Variants in SMPD3 observed in about 807,000 individuals in gnomAD.
SMPD3 encodes the protein sphingomyelin phosphodiesterase 3.
SMPD3 carries 21 observed loss-of-function variants against 55.7 expected under a neutral mutation model. That is an observed-to-expected ratio of 0.38 (90% confidence interval 0.27 to 0.54). SMPD3 has a LOEUF of 0.54. SMPD3 is among the 20% of genes least tolerant of loss of function. The probability of loss-of-function intolerance (pLI) is 0.80; values close to 1 mark genes in which losing one functional copy is unlikely to be tolerated. For missense variants in SMPD3, 842 were observed against 899.6 expected, an observed-to-expected ratio of 0.94 and a Z score of 0.82; for synonymous variants, 457 against 404.3, an observed-to-expected ratio of 1.13 and a Z score of -1.56.
intron 1 of SMPD3, among the ~76,000 whole-genome samples, chr16:68,416,801 G>A (rs1199400126): frequency 6.6e-6 from 1 of 152,120 alleles, no homozygotes; most frequent in Non-Finnish European, 1.5e-5. Flanking sequence ...AGGTGTGTCA[G>A]AGCATAGGCC....
At chr16:68,441,450 A>T (rs1347995933) in intron 1 of SMPD3, among the ~76,000 whole-genome samples, 1 of 152,234 alleles carries the variant, frequency 6.6e-6, no homozygotes, top group African/African-American at 2.4e-5. Context: ...CACATATACA[A>T]TATAAATTTT....
chr16:68,433,887 C>A (rs1415908609), intron 1 of SMPD3, among the ~76,000 whole-genome samples: 4 of 147,910 alleles, frequency 2.7e-5, no homozygotes, highest in Non-Finnish European at 6.0e-5. Context: ...TTTTTTAGGT[C>A]ATGGAATATT....
chr16:68,375,943 G>A (rs767326675), intron 2 of SMPD3, among the ~76,000 whole-genome samples: 1 of 151,994 alleles, frequency 6.6e-6, no homozygotes, highest in Non-Finnish European at 1.5e-5. Flanking sequence ...ATAGCCCCTC[G>A]CCAGCTTCCC....
intron 1 of SMPD3, among the ~76,000 whole-genome samples, chr16:68,436,808 G>C (rs1390343200): frequency 5.9e-5 from 9 of 152,108 alleles, no homozygotes; most frequent in Non-Finnish European, 1.3e-4. Context: ...GCAGGCAAAG[G>C]GTCTCAAGAG....
intron 1 of SMPD3, among the ~76,000 whole-genome samples, chr16:68,438,325 A>C (rs1029587883): frequency 2.0e-5 from 3 of 152,150 alleles, no homozygotes; most frequent in Admixed American, 6.5e-5. Context: ...GTGAAGACCA[A>C]ATGAGAGAAA....
chr16:68,418,161 T>C (rs1165912840), intron 1 of SMPD3, among the ~76,000 whole-genome samples: 1 of 152,020 alleles, frequency 6.6e-6, no homozygotes, highest in African/African-American at 2.4e-5. Flanking sequence ...GCTTGTTGGG[T>C]TTCACTTTCT....
chr16:68,429,999 C>T (rs2090466943), intron 1 of SMPD3, among the ~76,000 whole-genome samples: 1 of 152,190 alleles, frequency 6.6e-6, no homozygotes. Flanking sequence ...TGAGGAGTCC[C>T]CTCTGGAGCA....
rs539908691 is a variant in SMPD3 at position 68,424,005 on chromosome 16, C to T, written c.-269+24348G>A. ...ACATGGCCCAAGGTGACCAAGGGCTCGGCCTGGGGACGTCACCTGCCCAGT... is the reference window on the plus strand; with the variant it reads ...ACATGGCCCAAGGTGACCAAGGGCTTGGCCTGGGGACGTCACCTGCCCAGT... On this transcript the variant is annotated intron_variant, in intron 1 of 8. Coordinates refer to ENST00000219334, the MANE Select transcript of SMPD3 (RefSeq NM_018667.4). Among the ~76,000 whole-genome samples the T allele has an allele frequency of 5.3e-5, 8 of 151,832 alleles. No individual in the cohort carries two copies. The South Asian group carries it at 1.2e-3, about 24-fold the overall frequency.
Position 68,404,073 on chromosome 16 carries a change from T to A in SMPD3, c.-268-17414A>T, listed in dbSNP as rs1277299678. ...TTTGACAGGGTCTCATTCTGTGCAGTGGTGCCATCATGGCTCACTGCAGCC... is the reference window on the plus strand; with the variant it reads ...TTTGACAGGGTCTCATTCTGTGCAGAGGTGCCATCATGGCTCACTGCAGCC... On this transcript the variant is annotated intron_variant, in intron 1 of 8. Transcript: ENST00000219334. The surrounding 1 kb of genome is among the most constrained non-coding windows in gnomAD (Gnocchi z 4.0). 2.0e-5 allele frequency among the ~76,000 whole-genome samples: 3 copies of A among 152,064 alleles called. No homozygotes were observed. Among genetic ancestry groups the A allele is most frequent in the African/African-American group, 7.2e-5 (3 of 41,388 alleles).
intron 1 of SMPD3, among the ~76,000 whole-genome samples, chr16:68,426,829 G>A (rs1174615286): frequency 6.6e-6 from 1 of 151,970 alleles, no homozygotes; most frequent in African/African-American, 2.4e-5. Flanking sequence ...CCTCATTTGT[G>A]GAGTGCTTCT....
rs373058383 is a variant in SMPD3, at chr16:68,402,629, A to AGCCCCGATGACCAACAGCG, written c.-268-15989_-268-15971dup. On this transcript the variant is annotated intron_variant, in intron 1 of 8. Coordinates refer to ENST00000219334, the MANE Select transcript of SMPD3 (RefSeq NM_018667.4). Reference sequence around the variant, plus strand: ...TGTTCAGCACTCCTTCCTGACTGCCAGCCCCGATGACCAACAGCGACCCCA... The same window carrying AGCCCCGATGACCAACAGCG: ...TGTTCAGCACTCCTTCCTGACTGCCAGCCCCGATGACCAACAGCGGCCCCGATGACCAACAGCGACCCCA... 7.0e-3 allele frequency among the ~76,000 whole-genome samples: 1,067 copies of AGCCCCGATGACCAACAGCG among 152,212 alleles called. 13 individuals are homozygous for AGCCCCGATGACCAACAGCG. Among genetic ancestry groups the AGCCCCGATGACCAACAGCG allele is most frequent in the African/African-American group, 0.024 (1,006 of 41,508 alleles).
chr16:68,397,725 A>G (rs762801597), intron 1 of SMPD3, among the ~76,000 whole-genome samples: 1 of 151,736 alleles, frequency 6.6e-6, no homozygotes, highest in Non-Finnish European at 1.5e-5. Context: ...CTGGAATTCC[A>G]CGCCTTGCTT....
At chr16:68,417,681 G>A (rs1296162422) in intron 1 of SMPD3, among the ~76,000 whole-genome samples, 1 of 152,138 alleles carries the variant, frequency 6.6e-6, no homozygotes, top group Non-Finnish European at 1.5e-5. Flanking sequence ...AGACCTACAC[G>A]CTACTAGACA....
intron 1 of SMPD3, among the ~76,000 whole-genome samples, chr16:68,402,251 C>T (rs11649335): frequency 0.19 from 28,170 of 152,134 alleles, 2,799 homozygotes; most frequent in Non-Finnish European, 0.21. Flanking sequence ...CTGCAGGCCT[C>T]CATTTCTCTC....
intron 1 of SMPD3, among the ~76,000 whole-genome samples, chr16:68,436,869 T>C (rs753449919): frequency 1.3e-5 from 2 of 152,170 alleles, no homozygotes; most frequent in Non-Finnish European, 1.5e-5. Flanking sequence ...ACCGACTGTA[T>C]ACGAGCTTCT....
chr16:68,407,427 T>A (rs190478751), intron 1 of SMPD3, among the ~76,000 whole-genome samples: 11 of 152,372 alleles, frequency 7.2e-5, no homozygotes, highest in African/African-American at 2.6e-4. Context: ...TAATTTAAAA[T>A]TCCTGATTGG....
At chr16:68,444,006 T>C (rs1006935807) in intron 1 of SMPD3, among the ~76,000 whole-genome samples, 1 of 152,188 alleles carries the variant, frequency 6.6e-6, no homozygotes, top group Admixed American at 6.5e-5. Context: ...AATACATTCT[T>C]ACATGTGAAG....
chr16:68,387,512 CT>C (rs1052730427), intron 1 of SMPD3, among the ~76,000 whole-genome samples: 2 of 152,218 alleles, frequency 1.3e-5, no homozygotes, highest in African/African-American at 4.8e-5. Flanking sequence ...GGCCCCGCCC[CT>C]GATCCCTGGC....
chr16:68,371,663 G>C lies in SMPD3; in HGVS notation c.519C>G (p.Ser173=), dbSNP rs773171822. ...ARPQIKIYID[S]PTNTSISAAS... is the part of the protein sequence containing the mutation. ...CGGCGCTGATGGAGGTATTGGTGGGGGAGTCGATGTAAATTTTGATCTGGG... is the reference window on the plus strand; with the variant it reads ...CGGCGCTGATGGAGGTATTGGTGGGCGAGTCGATGTAAATTTTGATCTGGG... Residue 173 remains serine, a synonymous_variant, in exon 3 of 9, where the codon TCC becomes TCG. Transcript: ENST00000219334. The C allele has an allele frequency of 6.4e-7, 1 of 1,567,400 alleles. No homozygotes were observed. Among genetic ancestry groups the C allele is most frequent in the Non-Finnish European group, 8.6e-7 (1 of 1,157,346 alleles).
Sources: gnomAD v4.1 joint callset for allele counts (sites outside exome capture counted in the v4.1 genomes callset) on GRCh38, gnomAD v4.1.1 for gene constraint, Gnocchi (gnomAD v3.1) non-coding constraint, MANE v1.5 for transcripts, NCBI Gene and HGNC (gene_info 2026-07-23, HGNC 2026-07-21) for gene names.